LMOD3: variants seen among roughly 807,000 people sequenced by gnomAD.
The protein encoded by LMOD3 is leiomodin-3.
In LMOD3, 31 loss-of-function variants were observed where a neutral mutation model predicts 41.8. The ratio of observed to expected loss-of-function variants is 0.74; its 90% CI spans 0.56 to 1.00. LMOD3 has a LOEUF of 1.00. Among genes scored for constraint, LMOD3 ranks in the 50% least tolerant of loss-of-function variants. The pLI is 0.00. For synonymous variants in LMOD3, 292 were observed against 241.9 expected, an observed-to-expected ratio of 1.21 and a Z score of -1.92; for missense variants, 755 against 679.5, an observed-to-expected ratio of 1.11 and a Z score of -1.23.
chr3:69,118,924 C>T lies in LMOD3; in HGVS notation c.1431G>A (p.Lys477=), dbSNP rs755200618. The T allele has an allele frequency of 6.2e-6, 10 of 1,612,022 alleles. No individual in the cohort carries two copies. In the South Asian group the frequency reaches 6.6e-5, roughly 11 times the overall value. ...GGAAGGAGTCAGGGTCTGTCCTGTA[C>T]TTCGGGGCCTGCGATGGCTTTTTCA... is the stretch of plus-strand genomic sequence containing the variant. The part of the protein sequence containing the change: ...EMMKKPSQAP[K]YRTDPDSFRV... Residue 477 remains lysine, a synonymous_variant, in exon 2 of 3, where the codon AAG becomes AAA. Transcript: ENST00000420581.
chr3:69,118,495 T>C (rs1044807133), intron 2 of LMOD3, among the ~76,000 whole-genome samples: 4 of 152,288 alleles, frequency 2.6e-5, no homozygotes, highest in South Asian at 2.1e-4. Context: ...ACAGAAGTCA[T>C]ATAGGCGTAC....
chr3:69,116,763 T>G (rs1224741667), intron 2 of LMOD3, among the ~76,000 whole-genome samples: 4 of 152,162 alleles, frequency 2.6e-5, no homozygotes, highest in Non-Finnish European at 5.9e-5. Context: ...CTGCCTGACA[T>G]ATATATTTGT....
At chr3:69,115,248 G>A (rs968754684) in intron 2 of LMOD3, among the ~76,000 whole-genome samples, 7 of 152,120 alleles carry the variant, frequency 4.6e-5, no homozygotes, top group Non-Finnish European at 7.4e-5. Context: ...TTGGGAGGCT[G>A]AAGCGGAAGG....
At chr3:69,112,910 A>C (rs942144039) in intron 2 of LMOD3, among the ~76,000 whole-genome samples, 2 of 152,094 alleles carry the variant, frequency 1.3e-5, no homozygotes, top group Non-Finnish European at 2.9e-5. Context: ...TGTATAAAAA[A>C]CCTTTTTTCC....
rs1251520886 is a variant in LMOD3 at position 69,108,102 on chromosome 3, T to C, written c.*993A>G. The C allele has an allele frequency of 6.6e-6, 1 of 152,154 alleles. No homozygotes were observed. The highest frequency in any genetic ancestry group is 6.5e-5 in the Admixed American group (1 of 15,284). The allele number at this position is 152,154 out of a possible 1,614,324, so 9.4% of individuals were successfully genotyped here. On this transcript the variant is annotated 3_prime_UTR_variant, in exon 3 of 3. Coordinates refer to ENST00000420581, the MANE Select transcript of LMOD3 (RefSeq NM_198271.5). ...TGGGAAATAAGACAGGATTAGTAAA[T>C]TGGGGCCAGGCAATGGAGTGCCTTA...
Position 69,118,856 on chromosome 3 carries a change from G to A in LMOD3, c.1499C>T (p.Pro500Leu), listed in dbSNP as rs751962265. 5.6e-6 allele frequency: 9 copies of A among 1,609,774 alleles called. No homozygotes were observed. Among genetic ancestry groups the A allele is most frequent in the Non-Finnish European group, 7.6e-6 (9 of 1,178,920 alleles). Residue 500 changes from proline to leucine, a missense_variant, in exon 2 of 3, where the codon CCG becomes CTG. Pro to Leu is a moderately conservative substitution (Grantham distance 98). Transcript: ENST00000420581. ...TTTCTCGGGTGGTTCTCTGGCTTCC[G>A]GCATCCGAGATTTGCGCTGGATTCT... ...LKRIQRKSRM[P>L]EAREPPEKTN...
Position 69,122,393 on chromosome 3 carries a change from T to A in LMOD3, c.-7A>T. 1 of 1,530,390 alleles carries A rather than the reference T, an allele frequency of 6.5e-7. No homozygotes were observed. The highest frequency in any genetic ancestry group is 1.4e-5 in the African/African-American group (1 of 71,320). The allele number at this position is 1,530,390 out of a possible 1,614,324, so 94.8% of individuals were successfully genotyped here. On this transcript the variant is annotated 5_prime_UTR_variant, in exon 1 of 3. Transcript: ENST00000420581. Reference sequence around the variant, plus strand: ...TTCTGCTGTGCTCTGACATTATTTTTTCTAAATATTATTTTACTAGAAAAG... The same window carrying A: ...TTCTGCTGTGCTCTGACATTATTTTATCTAAATATTATTTTACTAGAAAAG...
chr3:69,118,856 G>T lies in LMOD3; in HGVS notation c.1499C>A (p.Pro500Gln). 6.2e-7 allele frequency: 1 copy of T among 1,609,774 alleles called. No individual in the cohort carries two copies. The part of the protein sequence containing the change: ...LKRIQRKSRM[P>Q]EAREPPEKTN... ...TTTCTCGGGTGGTTCTCTGGCTTCC[G>T]GCATCCGAGATTTGCGCTGGATTCT... The change falls in exon 2 of 3, where the codon CCG becomes CAG. Residue 500 changes from proline to glutamine, a missense_variant. Transcript: ENST00000420581.
At position 69,118,690 on chromosome 3, in the gene LMOD3, T is replaced by C. The variant is rs1424739912; in HGVS notation, c.1656+9A>G. On this transcript the variant is annotated intron_variant, in intron 2 of 2. Coordinates refer to ENST00000420581, the MANE Select transcript of LMOD3 (RefSeq NM_198271.5). Reference sequence around the variant, plus strand: ...TGCTCAGTCACCATTTCTCCCTCCTTCTACTTACAGGTTTAAGATAGGCGA... The same window carrying C: ...TGCTCAGTCACCATTTCTCCCTCCTCCTACTTACAGGTTTAAGATAGGCGA... 5.0e-6 allele frequency: 8 copies of C among 1,604,350 alleles called. No homozygotes were observed. The highest frequency in any genetic ancestry group is 1.1e-5 in the South Asian group (1 of 90,492).
chr3:69,118,024 G>A (rs1175042809), intron 2 of LMOD3, among the ~76,000 whole-genome samples: 1 of 152,100 alleles, frequency 6.6e-6, no homozygotes, highest in Admixed American at 6.5e-5. Context: ...TAGAGATGGG[G>A]TTTCACCATG....
intron 1 of LMOD3, among the ~76,000 whole-genome samples, chr3:69,120,635 G>C (rs1237263384): frequency 7.2e-6 from 1 of 138,886 alleles, no homozygotes; most frequent in Non-Finnish European, 1.5e-5. Context: ...TTTTGATTTT[G>C]AATATATATA....
In LMOD3 at chr3:69,106,963, C is replaced by T. The variant is rs557018581; in HGVS notation, c.*2132G>A. On this transcript the variant is annotated 3_prime_UTR_variant, in exon 3 of 3. Coordinates refer to ENST00000420581, the MANE Select transcript of LMOD3 (RefSeq NM_198271.5). ...CCTCATGTGATTCACCCACCTCGGC[C>T]GCCTACAGTGCTGGGATTACAGGCA... 1.1e-4 allele frequency: 17 copies of T among 150,790 alleles called. No homozygotes were observed. The East Asian group carries it at 1.6e-3, about 14-fold the overall frequency. The allele number at this position is 150,790 out of a possible 1,614,324, so 9.3% of individuals were successfully genotyped here.
At chr3:69,110,739 G>T (rs1417235208) in intron 2 of LMOD3, among the ~76,000 whole-genome samples, 1 of 146,098 alleles carries the variant, frequency 6.8e-6, no homozygotes, top group Non-Finnish European at 1.5e-5. Flanking sequence ...GCTACTCAGG[G>T]AGCTGAGGCA....
Position 69,109,223 on chromosome 3 carries a change from T to C in LMOD3, c.1657-102A>G, listed in dbSNP as rs569325617. On this transcript the variant is annotated intron_variant, in intron 2 of 2. Transcript: ENST00000420581. ...TTTACATGCCTTAAAAGATACAGAA[T>C]AGGTTTGAAATTCTGGCCAAAGCAC... is the stretch of plus-strand genomic sequence containing the variant. 1.2e-4 allele frequency: 132 copies of C among 1,102,298 alleles called. No homozygotes were observed. In the South Asian group the frequency reaches 1.7e-3, roughly 14 times the overall value. The allele number at this position is 1,102,298 out of a possible 1,614,324, so 68.3% of individuals were successfully genotyped here. A position where few individuals can be genotyped will look rare whatever the true frequency, so the allele number is the denominator to read the frequency against.
Position 69,107,289 on chromosome 3 carries a change from G to T in LMOD3, c.*1806C>A, listed in dbSNP as rs2092326741. On this transcript the variant is annotated 3_prime_UTR_variant, in exon 3 of 3. Coordinates refer to ENST00000420581, the MANE Select transcript of LMOD3 (RefSeq NM_198271.5). Reference sequence around the variant, plus strand: ...AGAAACGCCATATTTCTTTCCCATGGCTTGTCTTTCCAAATAATGTGTTGT... The same window carrying T: ...AGAAACGCCATATTTCTTTCCCATGTCTTGTCTTTCCAAATAATGTGTTGT... 1.3e-5 allele frequency: 2 copies of T among 151,472 alleles called. No homozygotes were observed. The highest frequency in any genetic ancestry group is 4.2e-4 in the South Asian group (2 of 4,790). The allele number at this position is 151,472 out of a possible 1,614,324, so 9.4% of individuals were successfully genotyped here. A position where few individuals can be genotyped will look rare whatever the true frequency, so the allele number is the denominator to read the frequency against.
In LMOD3 at chr3:69,118,750, T is replaced by C; in HGVS notation, c.1605A>G (p.Arg535=). ...GACGAATGTCGTTTAGCAGCTGATC[T>C]CTGGGAGTGATTTCCACCAATGGGG... ...RPPPLVEITP[R]DQLLNDIRHS... is the part of the protein sequence containing the mutation. The change falls in exon 2 of 3, where the codon AGA becomes AGG. Residue 535 remains arginine, a synonymous_variant. Coordinates refer to ENST00000420581, the MANE Select transcript of LMOD3 (RefSeq NM_198271.5). The C allele has an allele frequency of 6.2e-7, 1 of 1,612,740 alleles. No individual in the cohort carries two copies. The highest frequency in any genetic ancestry group is 2.2e-5 in the East Asian group (1 of 44,808).
intron 1 of LMOD3, among the ~76,000 whole-genome samples, chr3:69,121,883 C>T (rs560322771): frequency 6.6e-6 from 1 of 152,282 alleles, no homozygotes; most frequent in East Asian, 1.9e-4. Flanking sequence ...GAGACATTTG[C>T]AAGAAATTAC....
Position 69,119,507 on chromosome 3 carries a change from T to A in LMOD3, c.848A>T (p.His283Leu). 2 of 1,614,006 alleles carry A rather than the reference T, an allele frequency of 1.2e-6. No individual in the cohort carries two copies. The highest frequency in any genetic ancestry group is 1.7e-5 in the Admixed American group (1 of 60,026). The change falls in exon 2 of 3, where the codon CAC becomes CTC. Residue 283 changes from histidine (H) to leucine (L), a missense_variant. Physicochemically the swap from His to Leu is moderately conservative, Grantham distance 99 (BLOSUM62 -3). Coordinates refer to ENST00000420581, the MANE Select transcript of LMOD3 (RefSeq NM_198271.5). ...DFVNAMKKNK[H>L]IKTFSLANVG... is the part of the protein sequence containing the mutation. Reference sequence around the variant, plus strand: ...ATTGGCTAAACTGAATGTTTTGATGTGCTTGTTTTTCTTCATTGCATTGAC... The same window carrying A: ...ATTGGCTAAACTGAATGTTTTGATGAGCTTGTTTTTCTTCATTGCATTGAC...
intron 2 of LMOD3, among the ~76,000 whole-genome samples, chr3:69,110,762 G>A (rs1236165767): frequency 6.9e-6 from 1 of 144,362 alleles, no homozygotes; most frequent in African/African-American, 2.6e-5. Flanking sequence ...AGAATTGCTT[G>A]AACCCGGGAG....
Sources: allele counts gnomAD v4.1 joint callset (sites outside exome capture counted in the v4.1 genomes callset), GRCh38; gene constraint gnomAD v4.1.1; transcripts MANE v1.5; gene names NCBI Gene and HGNC (gene_info 2026-07-23, HGNC 2026-07-21).